Variants in MAGI1 observed in about 807,000 individuals in gnomAD.
The protein encoded by MAGI1 is membrane associated guanylate kinase, WW and PDZ domain containing 1.
A neutral mutation model predicts 139.9 loss-of-function variants in MAGI1; 58 were observed. That is an observed-to-expected ratio of 0.41 (90% CI 0.34 to 0.52). The LOEUF (loss-of-function observed/expected upper bound fraction) is 0.52, where lower values mean the gene tolerates loss of function less well. MAGI1 is among the 20% of genes least tolerant of loss of function. The pLI is 0.12. For synonymous variants in MAGI1, 812 were observed against 737.9 expected, an observed-to-expected ratio of 1.10 and a Z score of -1.63; for missense variants, 1,874 against 1,901.6, an observed-to-expected ratio of 0.99 and a Z score of 0.27.
rs370129376 is a variant in MAGI1 at position 65,658,349 on chromosome 3, T to C, written c.314-36261A>G. ...CAGGAACAAAACTTCCTGCATTTGCTATTCAGAGAAAACCAAATGATCTGG... is the reference window on the plus strand; with the variant it reads ...CAGGAACAAAACTTCCTGCATTTGCCATTCAGAGAAAACCAAATGATCTGG... On this transcript the variant is annotated intron_variant, in intron 1 of 22. Transcript: ENST00000402939. 8.5e-5 allele frequency among the ~76,000 whole-genome samples: 13 copies of C among 152,322 alleles called. No homozygotes were observed. In the South Asian group the frequency reaches 2.5e-3, roughly 29 times the overall value.
chr3:65,834,560 T>A (rs2042703738), intron 1 of MAGI1, among the ~76,000 whole-genome samples: 1 of 152,252 alleles, frequency 6.6e-6, no homozygotes, highest in South Asian at 2.1e-4. Flanking sequence ...CTACTTTTGT[T>A]GGGTGGAAGG....
chr3:65,846,976 CAAAA>C (rs58391331), intron 1 of MAGI1, among the ~76,000 whole-genome samples: 14 of 80,978 alleles, frequency 1.7e-4, no homozygotes, highest in African/African-American at 5.4e-4. Flanking sequence ...CAATGTCTTA[CAAAA>C]AAAAAAAAAA....
Position 65,442,824 on chromosome 3 carries a change from A to G in MAGI1, c.1104T>C (p.Ile368=). ...AGTAGATACCATAGACAGGGTCTTC[A>G]ATCTTTTCCCAACCAGCAGGCAGTT... ...ELELPAGWEK[I]EDPVYGIYYV... The change falls in exon 8 of 23, where the codon ATT becomes ATC. Residue 368 remains isoleucine, a synonymous_variant. Transcript: ENST00000402939. 6.2e-7 allele frequency: 1 copy of G among 1,613,212 alleles called. No individual in the cohort carries two copies. The highest frequency in any genetic ancestry group is 8.5e-7 in the Non-Finnish European group (1 of 1,179,400).
chr3:65,599,347 G>A (rs1199679205), intron 2 of MAGI1, among the ~76,000 whole-genome samples: 1 of 152,176 alleles, frequency 6.6e-6, no homozygotes, highest in Non-Finnish European at 1.5e-5. Context: ...TAGCAGATGA[G>A]AAAATAAATG....
intron 2 of MAGI1, among the ~76,000 whole-genome samples, chr3:65,502,176 A>C (rs2077107937): frequency 6.6e-6 from 1 of 152,334 alleles, no homozygotes; most frequent in South Asian, 2.1e-4. Flanking sequence ...TTAAAAAAGG[A>C]AACATTTAGC....
intron 2 of MAGI1, among the ~76,000 whole-genome samples, chr3:65,616,343 A>G (rs1373419383): frequency 6.6e-6 from 1 of 152,166 alleles, no homozygotes; most frequent in African/African-American, 2.4e-5. Flanking sequence ...AAGAGTAGAA[A>G]GCTGATCAAG....
At chr3:65,358,001 T>TG (rs1940379228) in intron 22 of MAGI1, among the ~76,000 whole-genome samples, 1 of 152,032 alleles carries the variant, frequency 6.6e-6, no homozygotes, top group Non-Finnish European at 1.5e-5. Context: ...TGAGATTGGA[T>TG]GGGGGTCAAA....
intron 14 of MAGI1, among the ~76,000 whole-genome samples, chr3:65,384,110 A>C (rs1219715048): frequency 2.0e-5 from 3 of 152,180 alleles, no homozygotes; most frequent in African/African-American, 7.2e-5. Flanking sequence ...GCTTGGTTTA[A>C]ACAGACTTTC....
At chr3:65,802,533 G>A (rs1239686245) in intron 1 of MAGI1, among the ~76,000 whole-genome samples, 2 of 152,184 alleles carry the variant, frequency 1.3e-5, no homozygotes, top group African/African-American at 4.8e-5. Flanking sequence ...CTCTAAAAAT[G>A]TGCCCAAATC....
intron 1 of MAGI1, among the ~76,000 whole-genome samples, chr3:65,869,528 G>A (rs549698678): frequency 8.1e-4 from 123 of 151,440 alleles, no homozygotes; most frequent in Non-Finnish European, 1.5e-3. Context: ...AGCCTCCCGA[G>A]TAGCTGGGAC....
chr3:65,383,298 G>C (rs1267443537), intron 15 of MAGI1, among the ~76,000 whole-genome samples: 1 of 152,138 alleles, frequency 6.6e-6, no homozygotes, highest in Non-Finnish European at 1.5e-5. Context: ...GGTCTACAGA[G>C]GCAGCTCCCA....
intron 1 of MAGI1, among the ~76,000 whole-genome samples, chr3:65,788,276 C>A (rs190055649): frequency 2.0e-5 from 3 of 152,206 alleles, no homozygotes; most frequent in African/African-American, 7.2e-5. Context: ...TGATCCCACA[C>A]GCTTTCTCAT....
intron 1 of MAGI1, among the ~76,000 whole-genome samples, chr3:65,851,607 G>C (rs532316543): frequency 6.6e-6 from 1 of 152,238 alleles, no homozygotes; most frequent in East Asian, 1.9e-4. Flanking sequence ...AAATTAGCCA[G>C]GCGTGGTGGC....
intron 1 of MAGI1, among the ~76,000 whole-genome samples, chr3:65,643,375 C>G (rs1357051543): frequency 2.0e-5 from 3 of 152,188 alleles, no homozygotes; most frequent in African/African-American, 7.2e-5. Flanking sequence ...AAGTCAATGT[C>G]TCATTTGCTA....
intron 1 of MAGI1, among the ~76,000 whole-genome samples, chr3:65,951,002 AGG>A (rs1344946885): frequency 7.6e-6 from 1 of 131,500 alleles, no homozygotes; most frequent in Non-Finnish European, 1.7e-5. Flanking sequence ...GAAGGAAGGA[AGG>A]AAGGAAGGAA....
At chr3:65,937,627 C>T (rs2063128532) in intron 1 of MAGI1, among the ~76,000 whole-genome samples, 1 of 152,132 alleles carries the variant, frequency 6.6e-6, no homozygotes, top group Non-Finnish European at 1.5e-5. Flanking sequence ...ACAAGCACAA[C>T]TGGCTATGCC....
At chr3:65,743,978 G>A (rs2035489042) in intron 1 of MAGI1, among the ~76,000 whole-genome samples, 1 of 151,140 alleles carries the variant, frequency 6.6e-6, no homozygotes, top group Non-Finnish European at 1.5e-5. Context: ...AAAAAAAAGT[G>A]AGACTTAACA....
chr3:65,741,939 C>G (rs2035309816), intron 1 of MAGI1, among the ~76,000 whole-genome samples: 1 of 152,182 alleles, frequency 6.6e-6, no homozygotes, highest in African/African-American at 2.4e-5. Flanking sequence ...ATGCCCGGAA[C>G]TAGGTACAGC....
chr3:65,353,634 C>T lies in MAGI1; in HGVS notation c.*2744G>A, dbSNP rs780716433. ...CAATTAGGGTGTTGAGTCCTCCCCC[C>T]CAACATTCTTTCAGGCATCAACTGT... On this transcript the variant is annotated 3_prime_UTR_variant, in exon 23 of 23. Transcript: ENST00000402939. The T allele has an allele frequency of 6.6e-6, 1 of 152,152 alleles. No individual in the cohort carries two copies. Among genetic ancestry groups the T allele is most frequent in the Non-Finnish European group, 1.5e-5 (1 of 68,036 alleles). 9.4% of individuals were successfully genotyped at this position (152,152 alleles called of 1,614,324 possible). A position where few individuals can be genotyped will look rare whatever the true frequency, so the allele number is the denominator to read the frequency against.
Sources: allele counts gnomAD v4.1 joint callset (sites outside exome capture counted in the v4.1 genomes callset), GRCh38; gene constraint gnomAD v4.1.1; transcripts MANE v1.5; gene names NCBI Gene and HGNC (gene_info 2026-07-23, HGNC 2026-07-21).